KALRN: variants seen among roughly 807,000 people sequenced by gnomAD.
KALRN encodes the protein kalirin.
KALRN carries 70 observed loss-of-function variants against 353.7 expected under a neutral mutation model. The ratio of observed to expected loss-of-function variants is 0.20; its 90% CI spans 0.16 to 0.24. The LOEUF is 0.24. Among genes scored for constraint, KALRN ranks in the 10% least tolerant of loss-of-function variants. The pLI is 1.00. For missense variants in KALRN, 2,791 were observed against 3,756.7 expected, an observed-to-expected ratio of 0.74 and a Z score of 6.72; for synonymous variants, 1,391 against 1,434.8, an observed-to-expected ratio of 0.97 and a Z score of 0.69.
At chr3:124,096,868 T>C (rs889084032) in intron 1 of KALRN, among the ~76,000 whole-genome samples, 2 of 152,256 alleles carry the variant, frequency 1.3e-5, no homozygotes, top group Non-Finnish European at 2.9e-5. Context: ...TATGGGTTGA[T>C]AGATTAACCT....
At chr3:124,466,370 C>T (rs1372073687) in intron 25 of KALRN, among the ~76,000 whole-genome samples, 2 of 152,156 alleles carry the variant, frequency 1.3e-5, no homozygotes, top group African/African-American at 2.4e-5. Context: ...TCCTGGAGCA[C>T]TCAGACAGGA....
intron 57 of KALRN, among the ~76,000 whole-genome samples, chr3:124,707,439 T>TTCCTTCCTTCCC (rs1553741263): frequency 1.2e-4 from 17 of 146,170 alleles, no homozygotes; most frequent in African/African-American, 3.5e-4. Flanking sequence ...CCTTCCTTCC[T>TTCCTTCCTTCCC]TCCTTCCCTC....
chr3:124,713,067 G>A lies in KALRN; in HGVS notation c.8208G>A (p.Gln2736=), dbSNP rs1025301013. 6.2e-7 allele frequency: 1 copy of A among 1,614,114 alleles called. No homozygotes were observed. The highest frequency in any genetic ancestry group is 8.5e-7 in the Non-Finnish European group (1 of 1,179,990). Residue 2736 remains glutamine, a synonymous_variant, in exon 58 of 60, where the codon CAG becomes CAA. Coordinates refer to ENST00000682506, the MANE Select transcript of KALRN (RefSeq NM_001388419.1). ...AHEAALLQHL[Q]HPQYITLHDT... ...AGGCTGCCCTGCTTCAGCACCTACA[G>A]CACCCCCAGTACATCACTCTCCATG...
At chr3:124,613,249 T>C (rs2149582247) in intron 34 of KALRN, among the ~76,000 whole-genome samples, 1 of 152,356 alleles carries the variant, frequency 6.6e-6, no homozygotes, top group African/African-American at 2.4e-5. Context: ...ACTTCCCAGT[T>C]TGACACAGCC....
At chr3:124,459,187 A>C (rs576290642) in intron 23 of KALRN, among the ~76,000 whole-genome samples, 1 of 152,268 alleles carries the variant, frequency 6.6e-6, no homozygotes, top group East Asian at 1.9e-4. Context: ...AAAGGAAGAA[A>C]GAGGTGCTTG....
chr3:124,467,351 A>G (rs2060441835), intron 25 of KALRN, among the ~76,000 whole-genome samples: 2 of 152,200 alleles, frequency 1.3e-5, no homozygotes, highest in African/African-American at 4.8e-5. Context: ...TGAAGCTGGT[A>G]CCCTGTGATT....
intron 1 of KALRN, chr3:124,163,697 C>G: frequency 1.0e-6 from 1 of 985,250 alleles, no homozygotes; most frequent in Non-Finnish European, 1.2e-6. Flanking sequence ...GGACACTGAG[C>G]TGAGTGGCTC....
At chr3:124,420,869 A>G (rs2092747910) in intron 14 of KALRN, among the ~76,000 whole-genome samples, 1 of 152,082 alleles carries the variant, frequency 6.6e-6, no homozygotes, top group Non-Finnish European at 1.5e-5. Context: ...GCAGTGATGG[A>G]TTTCTGACGG....
Position 124,093,526 on chromosome 3 carries a change from G to T in KALRN, c.73+59713G>T, listed in dbSNP as rs191745939. Among the ~76,000 whole-genome samples, 1,031 of 152,362 alleles carry T rather than the reference G, an allele frequency of 6.8e-3. 19 individuals carry two copies. Among genetic ancestry groups the T allele is most frequent in the African/African-American group, 0.024 (986 of 41,590 alleles). ...GAGGGGCTGTGATTGGGCAAGGACT[G>T]GGCACCCCGTCATGCCCCAAAGGCC... On this transcript the variant is annotated intron_variant, in intron 1 of 59. Transcript: ENST00000682506.
rs978789706 is a variant in KALRN, at chr3:124,344,256, G to A, written c.1648-2887G>A. Among the ~76,000 whole-genome samples, 14 of 152,278 alleles carry A rather than the reference G, an allele frequency of 9.2e-5. 1 individual carries two copies. The East Asian group carries it at 2.7e-3, about 29-fold the overall frequency. On this transcript the variant is annotated intron_variant, in intron 9 of 59. Coordinates refer to ENST00000682506, the MANE Select transcript of KALRN (RefSeq NM_001388419.1). ...ATTCTGGGACCTTGTTCATCTTAAT[G>A]GAATGCACTAGAAACTGACAAATAT...
intron 34 of KALRN, among the ~76,000 whole-genome samples, chr3:124,571,902 A>G (rs1282816296): frequency 2.6e-5 from 4 of 151,874 alleles, no homozygotes; most frequent in Non-Finnish European, 5.9e-5. Flanking sequence ...TGCTGGGATT[A>G]CAGGTGTGAG....
chr3:124,379,005 T>TA (rs1291553742), intron 10 of KALRN, among the ~76,000 whole-genome samples: 2 of 152,104 alleles, frequency 1.3e-5, no homozygotes, highest in African/African-American at 4.8e-5. Flanking sequence ...TCTTTTCCAA[T>TA]ACCCTCCTCT....
chr3:124,505,094 T>C (rs1033887755), intron 33 of KALRN: 1 of 396,818 alleles, frequency 2.5e-6, no homozygotes, highest in African/African-American at 2.1e-5. Context: ...TGGAGTGTTC[T>C]GTACAGACCT....
intron 28 of KALRN, among the ~76,000 whole-genome samples, chr3:124,484,770 C>A (rs1167293691): frequency 6.6e-6 from 1 of 152,196 alleles, no homozygotes; most frequent in East Asian, 1.9e-4. Flanking sequence ...GTGTAATTAT[C>A]TTCTTCTTTC....
intron 5 of KALRN, among the ~76,000 whole-genome samples, chr3:124,294,807 A>G (rs2076717820): frequency 1.3e-5 from 2 of 152,122 alleles, no homozygotes; most frequent in Admixed American, 1.3e-4. Context: ...CAACAAAACT[A>G]TTTTTTATTT....
intron 34 of KALRN, among the ~76,000 whole-genome samples, chr3:124,618,472 G>A (rs1342091286): frequency 6.6e-6 from 1 of 152,126 alleles, no homozygotes; most frequent in Non-Finnish European, 1.5e-5. Flanking sequence ...CTGGAAGTTA[G>A]CCTTGCCCAT....
chr3:124,611,427 T>C (rs2077957985), intron 34 of KALRN, among the ~76,000 whole-genome samples: 1 of 151,890 alleles, frequency 6.6e-6, no homozygotes, highest in Non-Finnish European at 1.5e-5. Flanking sequence ...GGATATGGAG[T>C]GTTTTGTCCA....
intron 21 of KALRN, among the ~76,000 whole-genome samples, chr3:124,454,401 C>T (rs2059097196): frequency 6.6e-6 from 1 of 152,196 alleles, no homozygotes; most frequent in Admixed American, 6.5e-5. Flanking sequence ...CACTTCCCTC[C>T]ACCTACTTCC....
intron 1 of KALRN, among the ~76,000 whole-genome samples, chr3:124,063,668 G>A (rs942487483): frequency 7.2e-5 from 11 of 152,202 alleles, no homozygotes; most frequent in Non-Finnish European, 1.6e-4. Flanking sequence ...AGGAGGGATT[G>A]GTAATTTTCT....
Sources: gnomAD v4.1 joint callset for allele counts (sites outside exome capture counted in the v4.1 genomes callset) on GRCh38, gnomAD v4.1.1 for gene constraint, MANE v1.5 for transcripts, NCBI Gene and HGNC (gene_info 2026-07-23, HGNC 2026-07-21) for gene names.